SPIDR: variants seen among roughly 807,000 people sequenced by gnomAD.
SPIDR encodes the protein DNA repair-scaffolding protein.
SPIDR carries 93 observed loss-of-function variants against 104.6 expected under a neutral mutation model. That is an observed-to-expected ratio of 0.89 (90% confidence interval 0.75 to 1.06). The LOEUF (loss-of-function observed/expected upper bound fraction) is 1.06. Ranked by LOEUF, SPIDR falls within the 50% of genes least tolerant of loss-of-function variation. The pLI, the probability that SPIDR is intolerant of heterozygous loss-of-function variation, is 0.00. For missense variants in SPIDR, 1,154 were observed against 1,111.2 expected, an observed-to-expected ratio of 1.04 and a Z score of -0.55; for synonymous variants, 431 against 416.9, an observed-to-expected ratio of 1.03 and a Z score of -0.41.
At chr8:47,353,386 C>T (rs1554623760) in intron 5 of SPIDR, among the ~76,000 whole-genome samples, 1 of 152,182 alleles carries the variant, frequency 6.6e-6, no homozygotes, top group Admixed American at 6.5e-5. Flanking sequence ...AGATTTTTCT[C>T]TAGGGCTTTC....
Position 47,511,815 on chromosome 8 carries a change from G to A in SPIDR, c.1097+71273G>A, listed in dbSNP as rs1586922431. 5 of 999,676 alleles carry A rather than the reference G, an allele frequency of 5.0e-6. No individual in the cohort carries two copies. In the East Asian group the frequency reaches 1.2e-4, roughly 24 times the overall value. The allele number at this position is 999,676 out of a possible 1,614,324, so 61.9% of individuals were successfully genotyped here. ...CCAGCTCATTGGAACTTTTCTTTCT[G>A]GGAGGGCCAACAATCTGCTGTCCAC... On this transcript the variant is annotated intron_variant, in intron 8 of 19. Coordinates refer to ENST00000297423, the MANE Select transcript of SPIDR (RefSeq NM_001080394.4).
At chr8:47,287,392 G>A (rs2154233304) in intron 3 of SPIDR, among the ~76,000 whole-genome samples, 1 of 152,264 alleles carries the variant, frequency 6.6e-6, no homozygotes, top group South Asian at 2.1e-4. Context: ...AACAGGGTTG[G>A]AGAGCAGAGA....
At chr8:47,273,455 G>A (rs1287225969) in intron 1 of SPIDR, among the ~76,000 whole-genome samples, 1 of 152,192 alleles carries the variant, frequency 6.6e-6, no homozygotes, top group Non-Finnish European at 1.5e-5. Flanking sequence ...GATAGAGTAA[G>A]ACATGAACAG....
chr8:47,540,340 A>G (rs929516789), intron 8 of SPIDR, among the ~76,000 whole-genome samples: 3 of 152,246 alleles, frequency 2.0e-5, no homozygotes, highest in Non-Finnish European at 4.4e-5. Flanking sequence ...CAAATAAGTG[A>G]AAAAGAAAGT....
intron 8 of SPIDR, chr8:47,527,498 G>A (rs2085206793): frequency 6.6e-6 from 1 of 152,264 alleles, no homozygotes; most frequent in African/African-American, 2.4e-5. Context: ...AAAGAACTGA[G>A]CATCTCAGAC....
intron 8 of SPIDR, among the ~76,000 whole-genome samples, chr8:47,539,062 G>A (rs1257280703): frequency 1.3e-5 from 2 of 151,342 alleles, no homozygotes; most frequent in Admixed American, 1.3e-4. Context: ...GGTTTCACCA[G>A]GTTGGCCAGG....
At position 47,445,156 on chromosome 8, in the gene SPIDR, A is replaced by G. The variant is rs532470558; in HGVS notation, c.1097+4614A>G. ...TTGTATAGCACTAAACACATGTTGC[A>G]CTTTTTACAAATTGAAGGTTTGTCA... On this transcript the variant is annotated intron_variant, in intron 8 of 19. Transcript: ENST00000297423. Among the ~76,000 whole-genome samples, 12 of 152,286 alleles carry G rather than the reference A, an allele frequency of 7.9e-5. 1 individual carries two copies. The highest frequency in any genetic ancestry group is 2.2e-4 in the African/African-American group (9 of 41,566).
intron 19 of SPIDR, among the ~76,000 whole-genome samples, chr8:47,730,721 C>T (rs1327840638): frequency 6.6e-6 from 1 of 152,120 alleles, no homozygotes; most frequent in Admixed American, 6.5e-5. Flanking sequence ...ATCCAACCCA[C>T]ATTTGTGGTG....
intron 7 of SPIDR, among the ~76,000 whole-genome samples, chr8:47,415,795 G>A (rs1554674913): frequency 6.6e-6 from 1 of 152,152 alleles, no homozygotes; most frequent in African/African-American, 2.4e-5. Flanking sequence ...TAACAGCCAA[G>A]ATGGACTAAG....
At chr8:47,264,920 TAAAG>T (rs762107358) in intron 1 of SPIDR, among the ~76,000 whole-genome samples, 13 of 152,164 alleles carry the variant, frequency 8.5e-5, no homozygotes, top group Non-Finnish European at 1.9e-4. Flanking sequence ...CCATGATAAT[TAAAG>T]AAATCATATG....
intron 8 of SPIDR, among the ~76,000 whole-genome samples, chr8:47,491,862 AAAG>A (rs1464878978): frequency 3.9e-5 from 6 of 152,180 alleles, no homozygotes; most frequent in African/African-American, 1.4e-4. Context: ...AAAAAAAGAA[AAAG>A]AAAACCAGCC....
intron 5 of SPIDR, among the ~76,000 whole-genome samples, chr8:47,368,280 C>T (rs1407727881): frequency 7.9e-6 from 1 of 126,188 alleles, no homozygotes; most frequent in Non-Finnish European, 1.6e-5. Flanking sequence ...TTGGGGAGGA[C>T]ACAACATTCA....
chr8:47,283,948 G>GT (rs1386393428), intron 2 of SPIDR, 80 bp from the exon 3 acceptor site: 1 of 1,077,238 alleles, frequency 9.3e-7, no homozygotes, highest in African/African-American at 1.6e-5. Context: ...GGAGAGTGTA[G>GT]TTTAAGATTT....
At chr8:47,543,326 G>T (rs898646935) in intron 8 of SPIDR, among the ~76,000 whole-genome samples, 3 of 152,150 alleles carry the variant, frequency 2.0e-5, no homozygotes, top group Non-Finnish European at 2.9e-5. Context: ...ACCAGCATTT[G>T]ATGTTGTCAC....
intron 10 of SPIDR, among the ~76,000 whole-genome samples, chr8:47,630,983 A>G (rs750949772): frequency 6.6e-5 from 10 of 152,284 alleles, no homozygotes; most frequent in Middle Eastern, 6.8e-3. Context: ...CTGTGAGAAC[A>G]AGAACTCAAC....
At chr8:47,537,654 C>T (rs1265101194) in intron 8 of SPIDR, among the ~76,000 whole-genome samples, 1 of 152,122 alleles carries the variant, frequency 6.6e-6, no homozygotes, top group Non-Finnish European at 1.5e-5. Flanking sequence ...TTTGCCAAAA[C>T]CCATAGACCT....
chr8:47,548,467 G>T (rs1379271337), intron 8 of SPIDR, among the ~76,000 whole-genome samples: 1 of 152,198 alleles, frequency 6.6e-6, no homozygotes, highest in Admixed American at 6.5e-5. Flanking sequence ...GGCCAACATG[G>T]TGAAACCCTG....
intron 6 of SPIDR, among the ~76,000 whole-genome samples, chr8:47,400,878 A>T (rs1228280812): frequency 6.6e-6 from 1 of 152,158 alleles, no homozygotes; most frequent in African/African-American, 2.4e-5. Flanking sequence ...CCTGAAAGTT[A>T]CAGGGAGAAT....
At chr8:47,270,648 A>G (rs1284686145) in intron 1 of SPIDR, among the ~76,000 whole-genome samples, 1 of 151,972 alleles carries the variant, frequency 6.6e-6, no homozygotes, top group African/African-American at 2.4e-5. Context: ...TATTTCTGCC[A>G]GATGGAAGTT....
Sources: gnomAD v4.1 joint callset for allele counts (sites outside exome capture counted in the v4.1 genomes callset) on GRCh38, gnomAD v4.1.1 for gene constraint, MANE v1.5 for transcripts, NCBI Gene and HGNC (gene_info 2026-07-23, HGNC 2026-07-21) for gene names.